Variants in TUBE1 observed in about 807,000 individuals in gnomAD.
TUBE1 encodes tubulin epsilon 1, also known as tubulin epsilon chain.
In TUBE1, 34 loss-of-function variants were observed where a neutral mutation model predicts 53.5. The ratio of observed to expected loss-of-function variants is 0.64; its 90% CI spans 0.48 to 0.85. The LOEUF is 0.85. Among genes scored for constraint, TUBE1 ranks in the 40% least tolerant of loss-of-function variants. The pLI is 0.00. For synonymous variants in TUBE1, 177 were observed against 198.4 expected, an observed-to-expected ratio of 0.89 and a Z score of 0.91; for missense variants, 532 against 570.5, an observed-to-expected ratio of 0.93 and a Z score of 0.69.
chr6:112,084,988 T>C (rs1554317144), intron 3 of TUBE1, among the ~76,000 whole-genome samples: 1 of 152,230 alleles, frequency 6.6e-6, no homozygotes, highest in East Asian at 1.9e-4. Context: ...CCTGTTTTCC[T>C]AAATAAAATT....
chr6:112,077,218 TAAAC>T (rs1776986097), intron 6 of TUBE1: 1 of 152,172 alleles, frequency 6.6e-6, no homozygotes, highest in Non-Finnish European at 1.5e-5. Flanking sequence ...TCAAGCAACT[TAAAC>T]AGAGTTAAAA....
At chr6:112,073,934 C>T (rs753000329) in intron 9 of TUBE1, among the ~76,000 whole-genome samples, 12 of 152,096 alleles carry the variant, frequency 7.9e-5, no homozygotes, top group Non-Finnish European at 1.5e-4. Flanking sequence ...GACAGGGTCT[C>T]ACACTATGTT....
At chr6:112,086,715 G>A in intron 2 of TUBE1, 107 bp from the exon 3 acceptor site, 1 of 706,406 alleles carries the variant, frequency 1.4e-6, no homozygotes, top group Non-Finnish European at 2.3e-6. Flanking sequence ...ATGAGACTCT[G>A]ATAAGAAAAA....
chr6:112,070,698 A>G lies in TUBE1; in HGVS notation c.*714T>C, dbSNP rs1405250257. 6.6e-6 allele frequency: 1 copy of G among 152,062 alleles called. No homozygotes were observed. Among genetic ancestry groups the G allele is most frequent in the African/African-American group, 2.4e-5 (1 of 41,318 alleles). The allele number at this position is 152,062 out of a possible 1,614,324, so 9.4% of individuals were successfully genotyped here. A position where few individuals can be genotyped will look rare whatever the true frequency, so the allele number is the denominator to read the frequency against. On this transcript the variant is annotated 3_prime_UTR_variant, in exon 12 of 12. Coordinates refer to ENST00000368662, the MANE Select transcript of TUBE1 (RefSeq NM_016262.5). ...CGGAACAATTATAGCCATTTATTGCAAAGTTTGGAAGATATCAAGCTTAGT... is the reference window on the plus strand; with the variant it reads ...CGGAACAATTATAGCCATTTATTGCGAAGTTTGGAAGATATCAAGCTTAGT...
rs1554317073 is a variant in TUBE1, at chr6:112,084,177, T to C, written c.210+12A>G. On this transcript the variant is annotated intron_variant, in intron 4 of 11. Coordinates refer to ENST00000368662, the MANE Select transcript of TUBE1 (RefSeq NM_016262.5). ...TACATGTAATATAAGAATCCAAGCA[T>C]ATGTATCTTACTCGTGCTTTTAAAG... 9 of 1,583,988 alleles carry C rather than the reference T, an allele frequency of 5.7e-6. No individual in the cohort carries two copies. The highest frequency in any genetic ancestry group is 7.8e-6 in the Non-Finnish European group (9 of 1,152,956).
At chr6:112,087,349 CA>C in intron 1 of TUBE1, 43 bp from the exon 2 acceptor site, 1 of 1,551,476 alleles carries the variant, frequency 6.4e-7, no homozygotes, top group African/African-American at 1.4e-5. Flanking sequence ...GGACATTAAG[CA>C]GGAAACATGG....
rs376174751 is a variant in TUBE1, at chr6:112,087,181, G to A, written c.99+52C>T. On this transcript the variant is annotated intron_variant, in intron 2 of 11. Coordinates refer to ENST00000368662, the MANE Select transcript of TUBE1 (RefSeq NM_016262.5). ...TCAAGTCGATTATTTCCTGCGTATGGGCTGGAAGACCTAGCTGACAGGCGA... is the reference window on the plus strand; with the variant it reads ...TCAAGTCGATTATTTCCTGCGTATGAGCTGGAAGACCTAGCTGACAGGCGA... The A allele has an allele frequency of 1.0e-4, 149 of 1,482,482 alleles. 1 individual carries two copies. The highest frequency in any genetic ancestry group is 3.3e-4 in the South Asian group (27 of 81,320). 91.8% of individuals were successfully genotyped at this position (1,482,482 alleles called of 1,614,324 possible).
intron 9 of TUBE1, among the ~76,000 whole-genome samples, chr6:112,073,535 G>T (rs587611846): frequency 9.9e-5 from 15 of 152,208 alleles, no homozygotes; most frequent in African/African-American, 3.6e-4. Context: ...GATGCCAATG[G>T]ACATTTAATA....
intron 6 of TUBE1, chr6:112,078,758 C>A (rs1777017883): frequency 6.6e-6 from 1 of 151,990 alleles, no homozygotes; most frequent in Non-Finnish European, 1.5e-5. Flanking sequence ...TATACTAGCA[C>A]AGAAACAAAT....
At chr6:112,082,548 C>T (rs1205736470) in intron 4 of TUBE1, among the ~76,000 whole-genome samples, 1 of 152,162 alleles carries the variant, frequency 6.6e-6, no homozygotes, top group African/African-American at 2.4e-5. Context: ...TATTCAGGTA[C>T]CTCCTGAAAT....
At chr6:112,082,226 C>T (rs1777082368) in intron 4 of TUBE1, among the ~76,000 whole-genome samples, 2 of 152,114 alleles carry the variant, frequency 1.3e-5, no homozygotes, top group Non-Finnish European at 2.9e-5. Flanking sequence ...ATCATATATA[C>T]ACTTTACATA....
At chr6:112,077,877 C>T (rs937946991) in intron 6 of TUBE1, 51 of 151,944 alleles carry the variant, frequency 3.4e-4, no homozygotes, top group Non-Finnish European at 5.9e-5. Context: ...ATGGGAAGGA[C>T]TAAGTTTCTC....
In TUBE1 at chr6:112,071,917, C is replaced by T; in HGVS notation, c.1254G>A (p.Arg418=). The T allele has an allele frequency of 6.2e-7, 1 of 1,601,306 alleles. No individual in the cohort carries two copies. The highest frequency in any genetic ancestry group is 8.5e-7 in the Non-Finnish European group (1 of 1,176,760). Residue 418 remains arginine (R), a synonymous_variant, in exon 11 of 12, where the codon AGG becomes AGA. Coordinates refer to ENST00000368662, the MANE Select transcript of TUBE1 (RefSeq NM_016262.5). ...TFMELKERFM[R]LYKKKAHLHH... ...CAATAATTACCTTTTTCTTGTAGAG[C>T]CTCATGAATCTCTCTTTCAGTTCCA...
chr6:112,076,648 C>A, intron 6 of TUBE1, 139 bp from the exon 7 acceptor site: 1 of 619,168 alleles, frequency 1.6e-6, no homozygotes, highest in South Asian at 2.8e-5. Flanking sequence ...CAGCTCAATG[C>A]AGCCTTGACC....
intron 3 of TUBE1, chr6:112,085,596 T>C: frequency 2.2e-6 from 1 of 459,146 alleles, no homozygotes; most frequent in Admixed American, 2.4e-5. Context: ...GGGCTACAAA[T>C]AAGAGGGAAT....
intron 9 of TUBE1, among the ~76,000 whole-genome samples, chr6:112,073,465 G>T (rs1269776540): frequency 6.6e-6 from 1 of 152,074 alleles, no homozygotes; most frequent in Non-Finnish European, 1.5e-5. Flanking sequence ...AAAGACAAAA[G>T]AAAATAAAGG....
intron 6 of TUBE1, chr6:112,076,865 G>C (rs1175338877): frequency 6.2e-6 from 1 of 161,664 alleles, no homozygotes; most frequent in African/African-American, 2.4e-5. Context: ...ACCACACCTG[G>C]TCAGAATTTA....
rs587667498 is a variant in TUBE1 at position 112,074,975 on chromosome 6, C to T, written c.813-125G>A. ...GTACACTGTTCTTCAGTGCAGAACA[C>T]ATGCTTTTCTTCCATATTAGTGAAA... On this transcript the variant is annotated intron_variant, in intron 8 of 11. Coordinates refer to ENST00000368662, the MANE Select transcript of TUBE1 (RefSeq NM_016262.5). 50 of 463,088 alleles carry T rather than the reference C, an allele frequency of 1.1e-4. No individual in the cohort carries two copies. In the South Asian group the frequency reaches 2.9e-3, roughly 26 times the overall value. The allele number at this position is 463,088 out of a possible 1,614,324, so 28.7% of individuals were successfully genotyped here.
intron 8 of TUBE1, chr6:112,075,370 G>A (rs1776948177): frequency 6.6e-6 from 1 of 151,794 alleles, no homozygotes; most frequent in African/African-American, 2.4e-5. Context: ...CATTCTTTCT[G>A]GATTATCTGA....
Sources: allele counts gnomAD v4.1 joint callset (sites outside exome capture counted in the v4.1 genomes callset), GRCh38; gene constraint gnomAD v4.1.1; transcripts MANE v1.5; gene names NCBI Gene and HGNC (gene_info 2026-07-23, HGNC 2026-07-21).